Variants in NSUN2 observed in about 807,000 individuals in gnomAD.
NSUN2 encodes the protein NOP2/Sun RNA methyltransferase 2, also known as RNA cytosine C(5)-methyltransferase NSUN2.
NSUN2 carries 63 observed loss-of-function variants against 92.7 expected under a neutral mutation model. The observed-to-expected ratio is 0.68, with a 90% CI of 0.56 to 0.84. The LOEUF is 0.84. Among genes scored for constraint, NSUN2 ranks in the 40% least tolerant of loss-of-function variants. The probability of loss-of-function intolerance (pLI) is 0.00; values close to 1 mark genes in which losing one functional copy is unlikely to be tolerated. For synonymous variants in NSUN2, 356 were observed against 348.3 expected (o/e 1.02, Z -0.25); for missense variants, 989 against 964.9 (o/e 1.02, Z -0.33).
At chr5:6,601,545 C>T (rs1560969726) in intron 18 of NSUN2, among the ~76,000 whole-genome samples, 1 of 152,056 alleles carries the variant, frequency 6.6e-6, no homozygotes, top group Non-Finnish European at 1.5e-5. Context: ...GGCAGCCGGA[C>T]AGCCTGAACC....
In NSUN2 at chr5:6,620,268, T is replaced by C; in HGVS notation, c.653A>G (p.Asn218Ser). The C allele has an allele frequency of 1.9e-6, 3 of 1,603,154 alleles. No homozygotes were observed. Among genetic ancestry groups the C allele is most frequent in the Middle Eastern group, 1.7e-4 (1 of 6,012 alleles). ...ATGGACGAGCAGGTAGCAGCGCTTG[T>C]TGTCCACATCATTCGCAATAACAAA... Reference protein sequence around the residue: ...EGFVIANDVDNKRCYLLVHQA... With the variant: ...EGFVIANDVDSKRCYLLVHQA... Residue 218 changes from asparagine to serine, a missense_variant, in exon 7 of 19, where the codon AAC (asparagine) becomes AGC (serine). By Grantham distance (46) the Asn-to-Ser change is conservative. Transcript: ENST00000264670.
chr5:6,632,260 G>T (rs188817757), intron 2 of NSUN2, among the ~76,000 whole-genome samples: 6 of 152,244 alleles, frequency 3.9e-5, no homozygotes, highest in East Asian at 3.9e-4. Flanking sequence ...AAGATGGAGG[G>T]GGGGCGCGGA....
chr5:6,612,140 T>C (rs1181253030), intron 9 of NSUN2, among the ~76,000 whole-genome samples: 3 of 152,146 alleles, frequency 2.0e-5, no homozygotes, highest in African/African-American at 7.2e-5. Context: ...ATTAACAATA[T>C]GTAAACGACA....
intron 18 of NSUN2, among the ~76,000 whole-genome samples, chr5:6,602,086 C>T (rs1212455510): frequency 6.6e-6 from 1 of 152,220 alleles, no homozygotes; most frequent in African/African-American, 2.4e-5. Flanking sequence ...AGTAACATGT[C>T]AGCAACACAC....
chr5:6,626,441 C>T (rs913622403), intron 3 of NSUN2, among the ~76,000 whole-genome samples: 1 of 151,678 alleles, frequency 6.6e-6, no homozygotes, highest in African/African-American at 2.4e-5. Flanking sequence ...GTAATCTCAG[C>T]TCACTGTGAC....
intron 18 of NSUN2, among the ~76,000 whole-genome samples, chr5:6,601,827 A>G (rs1315759671): frequency 1.3e-5 from 2 of 152,180 alleles, no homozygotes; most frequent in Admixed American, 1.3e-4. Context: ...CATGTCACCA[A>G]GACGGAGCTG....
intron 8 of NSUN2, 86 bp from the exon 9 acceptor site, chr5:6,616,943 T>C (rs1737236716): frequency 1.7e-6 from 2 of 1,197,038 alleles, no homozygotes; most frequent in Non-Finnish European, 2.3e-6. Flanking sequence ...CACATATTCA[T>C]TACAAGCTTT....
rs1737971956 is a variant in NSUN2, at chr5:6,632,628, C to A, written c.225G>T (p.Pro75=). The A allele has an allele frequency of 1.2e-6, 2 of 1,614,190 alleles. No homozygotes were observed. The highest frequency in any genetic ancestry group is 2.2e-5 in the East Asian group (1 of 44,872). ...QFMDALREPL[P]ATLRITGYKS... Reference sequence around the variant, plus strand: ...TGTAACCAGTAATTCTTAAAGTGGCCGGGAGCGGCTCCCTGAGAGCGTCCA... The same window carrying A: ...TGTAACCAGTAATTCTTAAAGTGGCAGGGAGCGGCTCCCTGAGAGCGTCCA... Residue 75 remains proline, a synonymous_variant, in exon 2 of 19, where the codon CCG becomes CCT. Transcript: ENST00000264670.
At chr5:6,624,629 T>C (rs756035344) in intron 4 of NSUN2, among the ~76,000 whole-genome samples, 2 of 152,220 alleles carry the variant, frequency 1.3e-5, no homozygotes, top group Non-Finnish European at 2.9e-5. Flanking sequence ...TTTCGTGCAC[T>C]GGTCTCAAGT....
chr5:6,628,643 AG>A (rs1430586111), intron 3 of NSUN2, among the ~76,000 whole-genome samples: 1 of 152,274 alleles, frequency 6.6e-6, no homozygotes, highest in Non-Finnish European at 1.5e-5. Context: ...GAAAATTACC[AG>A]AAGTCCTGGA....
rs978050457 is a variant in NSUN2, at chr5:6,599,592, A to T, written c.*334T>A. ...TTAAGACCAATACAGGCTTAACAAA[A>T]GACCTGAAATTTCTGCAAGGGCAGT... On this transcript the variant is annotated 3_prime_UTR_variant, in exon 19 of 19. Transcript: ENST00000264670. 3.9e-6 allele frequency: 1 copy of T among 254,516 alleles called. No homozygotes were observed. Among genetic ancestry groups the T allele is most frequent in the African/African-American group, 2.2e-5 (1 of 44,856 alleles). The allele number at this position is 254,516 out of a possible 1,614,324, so 15.8% of individuals were successfully genotyped here.
chr5:6,614,697 C>T (rs183275473), intron 9 of NSUN2, among the ~76,000 whole-genome samples: 14 of 152,270 alleles, frequency 9.2e-5, no homozygotes, highest in African/African-American at 3.4e-4. Flanking sequence ...GAGCTCCAGG[C>T]AAGTAACCCG....
chr5:6,609,636 C>T (rs777730818), intron 12 of NSUN2, among the ~76,000 whole-genome samples, 190 bp downstream of exon 12: 2 of 152,190 alleles, frequency 1.3e-5, no homozygotes, highest in Non-Finnish European at 2.9e-5. Context: ...TTACCTATCA[C>T]CTATGAGAAA....
intron 13 of NSUN2, 110 bp downstream of exon 13, chr5:6,607,090 C>T: frequency 8.7e-7 from 1 of 1,150,664 alleles, no homozygotes; most frequent in East Asian, 2.3e-5. Flanking sequence ...TGATACCACA[C>T]ATGTACTGCC....
rs946001420 is a variant in NSUN2, at chr5:6,616,606, C to T, written c.1021+121G>A. 7.8e-5 allele frequency: 13 copies of T among 167,546 alleles called. 1 individual carries two copies. Among genetic ancestry groups the T allele is most frequent in the Non-Finnish European group, 1.1e-4 (12 of 111,876 alleles). 10.4% of individuals were successfully genotyped at this position (167,546 alleles called of 1,614,324 possible). ...TGATTAACAATGGGAATATACCTAA[C>T]GGGACTGAACTGCAGGCTCAAAAAT... On this transcript the variant is annotated intron_variant, in intron 9 of 18. Coordinates refer to ENST00000264670, the MANE Select transcript of NSUN2 (RefSeq NM_017755.6).
intron 9 of NSUN2, among the ~76,000 whole-genome samples, chr5:6,614,333 G>T (rs969029057): frequency 3.3e-5 from 5 of 152,110 alleles, no homozygotes; most frequent in Non-Finnish European, 7.3e-5. Context: ...GAACCCATCA[G>T]TACCCCAGGA....
intron 3 of NSUN2, among the ~76,000 whole-genome samples, chr5:6,630,143 C>G (rs1410240761): frequency 6.6e-6 from 1 of 152,168 alleles, no homozygotes; most frequent in Admixed American, 6.5e-5. Flanking sequence ...GTGAAGGTTA[C>G]CTCATCTCAG....
rs1331428829 is a variant in NSUN2 at position 6,604,215 on chromosome 5, A to C, written c.1880T>G (p.Val627Gly). 2.0e-5 allele frequency: 33 copies of C among 1,609,990 alleles called. No individual in the cohort carries two copies. Among genetic ancestry groups the C allele is most frequent in the Non-Finnish European group, 2.7e-5 (32 of 1,176,278 alleles). Reference protein sequence around the residue: ...SRIITVSMEDVKILLTQENPF... With the variant: ...SRIITVSMEDGKILLTQENPF... The stretch of plus-strand genomic sequence containing the variant: ...ATTTTCCTGGGTCAACAGTATCTTA[A>C]CATCTTCCATTGATACAGTAATAAT... Residue 627 changes from valine (V) to glycine (G), a missense_variant, in exon 17 of 19, where the codon GTT becomes GGT. Transcript: ENST00000264670.
At chr5:6,630,851 T>G (rs1161897303) in intron 3 of NSUN2, among the ~76,000 whole-genome samples, 1 of 152,092 alleles carries the variant, frequency 6.6e-6, no homozygotes, top group African/African-American at 2.4e-5. Context: ...TCCCAGCACT[T>G]TGGGAGGCCG....
Sources: allele counts gnomAD v4.1 joint callset (sites outside exome capture counted in the v4.1 genomes callset), GRCh38; gene constraint gnomAD v4.1.1; transcripts MANE v1.5; gene names NCBI Gene and HGNC (gene_info 2026-07-23, HGNC 2026-07-21).